MYH4: variants seen among roughly 807,000 people sequenced by gnomAD.
MYH4 encodes the protein myosin-4.
MYH4 carries 200 observed loss-of-function variants against 229.9 expected under a neutral mutation model. The ratio of observed to expected loss-of-function variants is 0.87; its 90% CI spans 0.78 to 0.98. The LOEUF (loss-of-function observed/expected upper bound fraction) is 0.98. Among genes scored for constraint, MYH4 ranks in the 50% least tolerant of loss-of-function variants. The probability of loss-of-function intolerance (pLI) is 0.00; values close to 1 mark genes in which losing one functional copy is unlikely to be tolerated. For missense variants in MYH4, 2,148 were observed against 2,332.6 expected (o/e 0.92, Z 1.63); for synonymous variants, 761 against 834.6 (o/e 0.91, Z 1.52).
intron 8 of MYH4, 34 bp from the exon 9 acceptor site, chr17:10,463,435 T>G: frequency 6.3e-7 from 1 of 1,596,506 alleles, no homozygotes; most frequent in Non-Finnish European, 8.6e-7. Flanking sequence ...ATTATACACA[T>G]TAAAATCAGA....
In MYH4 at chr17:10,466,826, G is replaced by A. The variant is rs547033551; in HGVS notation, c.-39-42C>T. ...AGCCAAATGATGATTCAGGGTTGGG[G>A]TGGAGAATTGTTCTGTTGATTTCAT... On this transcript the variant is annotated intron_variant, in intron 2 of 39. Coordinates refer to ENST00000255381, the MANE Select transcript of MYH4 (RefSeq NM_017533.2). The A allele has an allele frequency of 1.4e-4, 220 of 1,537,480 alleles. 2 individuals carry two copies. The South Asian group carries it at 2.4e-3, about 17-fold the overall frequency.
At position 10,466,347 on chromosome 17, in the gene MYH4, C is replaced by T; in HGVS notation, c.274G>A (p.Ala92Thr). The T allele has an allele frequency of 6.2e-7, 1 of 1,614,152 alleles. No individual in the cohort carries two copies. Among genetic ancestry groups the T allele is most frequent in the Admixed American group, 1.7e-5 (1 of 60,028 alleles). ...GGCTCATGCAGGTGAGTCATCATGG[C>T]CATGTCCTCGATCTTGTCATATTTG... ...PPKYDKIEDM[A>T]MMTHLHEPAV... The change falls in exon 4 of 40, where the codon GCC (alanine) becomes ACC (threonine). Residue 92 changes from alanine (A) to threonine (T), a missense_variant. Physicochemically the swap from Ala to Thr is moderately conservative, Grantham distance 58 (BLOSUM62 0). Coordinates refer to ENST00000255381, the MANE Select transcript of MYH4 (RefSeq NM_017533.2).
At position 10,453,859 on chromosome 17, in the gene MYH4, C is replaced by T; in HGVS notation, c.2718G>A (p.Glu906=). ...TTTTAATCAACTGATCACATCTTTC[C>T]TCTGCATCAGCCAAGGCATCTGCTT... ...QAEADALADA[E]ERCDQLIKTK... is the part of the protein sequence containing the mutation. Residue 906 remains glutamate (E), a synonymous_variant, in exon 23 of 40, where the codon GAG becomes GAA. Coordinates refer to ENST00000255381, the MANE Select transcript of MYH4 (RefSeq NM_017533.2). 4 of 1,614,100 alleles carry T rather than the reference C, an allele frequency of 2.5e-6. No individual in the cohort carries two copies. Among genetic ancestry groups the T allele is most frequent in the South Asian group, 1.1e-5 (1 of 91,080 alleles).
At position 10,455,157 on chromosome 17, in the gene MYH4, T is replaced by G; in HGVS notation, c.2298+15A>C. On this transcript the variant is annotated intron_variant, in intron 20 of 39. Coordinates refer to ENST00000255381, the MANE Select transcript of MYH4 (RefSeq NM_017533.2). ...TGATAGAATTATGACAGATAGAAATTTGGACTGGTGATACCTTGGTATGAC... is the reference window on the plus strand; with the variant it reads ...TGATAGAATTATGACAGATAGAAATGTGGACTGGTGATACCTTGGTATGAC... 2 of 1,614,114 alleles carry G rather than the reference T, an allele frequency of 1.2e-6. No homozygotes were observed. Among genetic ancestry groups the G allele is most frequent in the Non-Finnish European group, 1.7e-6 (2 of 1,179,992 alleles).
chr17:10,469,249 T>A (rs766246171), intron 2 of MYH4, 39 bp downstream of exon 2: 2 of 152,214 alleles, frequency 1.3e-5, no homozygotes, highest in Non-Finnish European at 2.9e-5. Context: ...ATATAGAGAT[T>A]CCTTTGTTCT....
In MYH4 at chr17:10,453,172, G is replaced by C. The variant is rs140849469; in HGVS notation, c.3091C>G (p.Leu1031Val). The C allele has an allele frequency of 3.1e-6, 5 of 1,614,048 alleles. No homozygotes were observed. Among genetic ancestry groups the C allele is most frequent in the Non-Finnish European group, 4.2e-6 (5 of 1,180,016 alleles). Residue 1031 changes from leucine (L) to valine (V), a missense_variant, in exon 24 of 40, where the codon CTA becomes GTA. Leu to Val is a conservative substitution (Grantham distance 32). Coordinates refer to ENST00000255381, the MANE Select transcript of MYH4 (RefSeq NM_017533.2). Reference sequence around the variant, plus strand: ...CTTACATCGTCCACTTGCTGTTCTAGCTTGGTTTTAGCTTTGGTCAGGGTG... The same window carrying C: ...CTTACATCGTCCACTTGCTGTTCTACCTTGGTTTTAGCTTTGGTCAGGGTG... ...VNTLTKAKTK[L>V]EQQVDDLEGS...
intron 33 of MYH4, 39 bp downstream of exon 33, chr17:10,448,357 T>C (rs1311145761): frequency 6.3e-7 from 1 of 1,580,222 alleles, no homozygotes; most frequent in African/African-American, 1.4e-5. Flanking sequence ...TAATTTTCAA[T>C]TTATTTATAA....
chr17:10,461,464 CCTT>C (rs1338046468), intron 11 of MYH4, among the ~76,000 whole-genome samples: 2 of 151,978 alleles, frequency 1.3e-5, no homozygotes, highest in African/African-American at 2.4e-5. Context: ...CTCTGTTGCT[CCTT>C]CTTCTCCTAT....
chr17:10,464,772 A>G, intron 5 of MYH4, 64 bp from the exon 6 acceptor site: 2 of 1,493,814 alleles, frequency 1.3e-6, no homozygotes, highest in Admixed American at 1.9e-5. Flanking sequence ...TCAACGCAGT[A>G]CTTATAAACT....
rs2072737091 is a variant in MYH4 at position 10,464,373 on chromosome 17, G to A, written c.648+99C>T. 20 of 1,006,040 alleles carry A rather than the reference G, an allele frequency of 2.0e-5. No individual in the cohort carries two copies. The South Asian group carries it at 2.8e-4, about 14-fold the overall frequency. 62.3% of individuals were successfully genotyped at this position (1,006,040 alleles called of 1,614,324 possible). A position where few individuals can be genotyped will look rare whatever the true frequency, so the allele number is the denominator to read the frequency against. On this transcript the variant is annotated intron_variant, in intron 7 of 39. Transcript: ENST00000255381. ...TTAAGGCTGCATAGTATTCCATGGT[G>A]TATACGTACTACATTTTCTGTATAC...
chr17:10,453,342 C>G lies in MYH4; in HGVS notation c.2935-14G>C, dbSNP rs773904345. ...GAGGTTTTTCACCTTTAGATTAGAACAGATGACCAGAATGTCAATGACAAC... is the reference window on the plus strand; with the variant it reads ...GAGGTTTTTCACCTTTAGATTAGAAGAGATGACCAGAATGTCAATGACAAC... On this transcript the variant is annotated splice_polypyrimidine_tract_variant and intron_variant, in intron 23 of 39. Coordinates refer to ENST00000255381, the MANE Select transcript of MYH4 (RefSeq NM_017533.2). The G allele has an allele frequency of 1.9e-6, 3 of 1,613,900 alleles. No homozygotes were observed. The highest frequency in any genetic ancestry group is 1.7e-6 in the Non-Finnish European group (2 of 1,179,966).
rs79179246 is a variant in MYH4 at position 10,444,918 on chromosome 17, G to A, written c.5467-19C>T. On this transcript the variant is annotated intron_variant, in intron 37 of 39. Transcript: ENST00000255381. ...CTCTCACCTGGAAGGGAACAAAGAC[G>A]TTTACCAGTTTGGCTGTAACTGGCC... The A allele has an allele frequency of 7.3e-4, 1,178 of 1,614,104 alleles. 9 individuals are homozygous for A. In the African/African-American group the frequency reaches 0.013, roughly 18 times the overall value.
In MYH4 at chr17:10,448,431, T is replaced by C; in HGVS notation, c.4621A>G (p.Lys1541Glu). ...EKVKKQLDHE[K>E]SELQTSLEEA... ...TCTAGGGAAGTCTGTAGTTCACTCTTCTCATGATCAAGTTGTTTCTTTACT... is the reference window on the plus strand; with the variant it reads ...TCTAGGGAAGTCTGTAGTTCACTCTCCTCATGATCAAGTTGTTTCTTTACT... The change falls in exon 33 of 40, where the codon AAG becomes GAG. Residue 1541 changes from lysine (K) to glutamate (E), a missense_variant. By Grantham distance (56) the Lys-to-Glu change is moderately conservative. Transcript: ENST00000255381. The C allele has an allele frequency of 1.2e-6, 2 of 1,614,002 alleles. No individual in the cohort carries two copies. Among genetic ancestry groups the C allele is most frequent in the Non-Finnish European group, 1.7e-6 (2 of 1,179,916 alleles).
At chr17:10,451,224 T>C (rs2072568699) in intron 28 of MYH4, 102 bp downstream of exon 28, 2 of 1,379,730 alleles carry the variant, frequency 1.4e-6, no homozygotes, top group Admixed American at 4.6e-5. Context: ...ACATGATAAA[T>C]GAATGTACAG....
rs2072769804 is a variant in MYH4, at chr17:10,466,561, G to A, written c.185C>T (p.Ala62Val). The change falls in exon 3 of 40, where the codon GCC becomes GTC. Residue 62 changes from alanine to valine, a missense_variant. Physicochemically the swap from Ala to Val is moderately conservative, Grantham distance 64. Transcript: ENST00000255381. ...VQSREGGKVT[A>V]KTEAGATVTV... is the part of the protein sequence containing the mutation. ...ACTCACAGCTCCAGCTTCGGTCTTG[G>A]CTGTCACCTTCCCCCCTTCCCTGCT... is the stretch of plus-strand genomic sequence containing the variant. 6.2e-7 allele frequency: 1 copy of A among 1,613,746 alleles called. No homozygotes were observed. Among genetic ancestry groups the A allele is most frequent in the South Asian group, 1.1e-5 (1 of 91,058 alleles).
In MYH4 at chr17:10,444,843, G is replaced by T; in HGVS notation, c.5523C>A (p.Val1841=). Residue 1841 remains valine, a synonymous_variant, in exon 38 of 40, where the codon GTC becomes GTA. Transcript: ENST00000255381. ...TTCTCTCATGTTTGCGAAGACCCTT[G>T]ACAGCCTCAACATTGTGCTTCTGTT... is the stretch of plus-strand genomic sequence containing the variant. ...ESEQKHNVEA[V]KGLRKHERRV... 6.2e-7 allele frequency: 1 copy of T among 1,614,078 alleles called. No individual in the cohort carries two copies. Among genetic ancestry groups the T allele is most frequent in the Non-Finnish European group, 8.5e-7 (1 of 1,180,010 alleles).
In MYH4 at chr17:10,443,471, C is replaced by T. The variant is rs1054593429; in HGVS notation, c.5724G>A (p.Glu1908=). The T allele has an allele frequency of 1.2e-6, 2 of 1,614,134 alleles. No homozygotes were observed. The highest frequency in any genetic ancestry group is 1.7e-6 in the Non-Finnish European group (2 of 1,179,950). The change falls in exon 40 of 40, where the codon GAG becomes GAA. Residue 1908 remains glutamate (E), a synonymous_variant. Transcript: ENST00000255381. The surrounding 1 kb of genome is among the most constrained non-coding windows in gnomAD (Gnocchi z 4.6). ...AKFRKLQHEL[E]EAKERADIAE... is the part of the protein sequence containing the mutation. Reference sequence around the variant, plus strand: ...CAATGTCAGCCCGTTCCTTGGCCTCCTCCAGCTCGTGCTGGAGCTTGCGGA... The same window carrying T: ...CAATGTCAGCCCGTTCCTTGGCCTCTTCCAGCTCGTGCTGGAGCTTGCGGA...
At chr17:10,446,546 C>T (rs2072513676) in intron 35 of MYH4, among the ~76,000 whole-genome samples, 1 of 152,126 alleles carries the variant, frequency 6.6e-6, no homozygotes, top group Non-Finnish European at 1.5e-5. Flanking sequence ...TCACTATATA[C>T]AACAAATGCT....
In MYH4 at chr17:10,462,742, A is replaced by G. The variant is rs186994278; in HGVS notation, c.1008+123T>C. The G allele has an allele frequency of 1.3e-4, 96 of 723,290 alleles. No individual in the cohort carries two copies. In the African/African-American group the frequency reaches 1.6e-3, roughly 12 times the overall value. 44.8% of individuals were successfully genotyped at this position (723,290 alleles called of 1,614,324 possible). ...CCTACAATTTTTTTCCAAAAGTAAGAAAGCCCAAAGGGTTGTATTACCTAT... is the reference window on the plus strand; with the variant it reads ...CCTACAATTTTTTTCCAAAAGTAAGGAAGCCCAAAGGGTTGTATTACCTAT... On this transcript the variant is annotated intron_variant, in intron 11 of 39. Transcript: ENST00000255381.
Sources: allele counts gnomAD v4.1 joint callset (sites outside exome capture counted in the v4.1 genomes callset), GRCh38; gene constraint gnomAD v4.1.1; non-coding constraint Gnocchi (gnomAD v3.1); transcripts MANE v1.5; gene names NCBI Gene and HGNC (gene_info 2026-07-23, HGNC 2026-07-21).